The following ANKS1B variants were observed in gnomAD, a reference collection of about 807,000 sequenced individuals.
ANKS1B encodes the protein ankyrin repeat and sterile alpha motif domain-containing protein 1B.
Under a neutral mutation model 148.3 loss-of-function variants are expected in ANKS1B, and 36 were observed. The observed-to-expected ratio is 0.24, with a 90% CI of 0.19 to 0.32. The LOEUF (loss-of-function observed/expected upper bound fraction) is 0.32, where lower values mean the gene tolerates loss of function less well. Ranked by LOEUF, ANKS1B falls within the 10% of genes least tolerant of loss-of-function variation. The pLI, the probability that ANKS1B is intolerant of heterozygous loss-of-function variation, is 1.00. For missense variants in ANKS1B, 1,157 were observed against 1,542.6 expected (o/e 0.75, Z 4.19); for synonymous variants, 542 against 560.8 (o/e 0.97, Z 0.47).
chr12:99,744,240 T>G (rs2060381240), intron 8 of ANKS1B, among the ~76,000 whole-genome samples: 1 of 152,230 alleles, frequency 6.6e-6, no homozygotes, highest in Admixed American at 6.5e-5. Flanking sequence ...TTCATACTAA[T>G]AGATTAATTT....
At chr12:99,970,543 C>T (rs566724967) in intron 1 of ANKS1B, among the ~76,000 whole-genome samples, 1 of 115,472 alleles carries the variant, frequency 8.7e-6, no homozygotes, top group Admixed American at 8.6e-5. Context: ...AAAAAAAAAA[C>T]ACATTGGATC....
At chr12:98,763,997 A>T (rs181119998) in intron 25 of ANKS1B, among the ~76,000 whole-genome samples, 5 of 152,292 alleles carry the variant, frequency 3.3e-5, no homozygotes, top group Admixed American at 6.5e-5. Flanking sequence ...AGCCCAACAC[A>T]CTGGTCACCT....
At chr12:99,777,831 A>G (rs1406218447) in intron 6 of ANKS1B, among the ~76,000 whole-genome samples, 4 of 149,606 alleles carry the variant, frequency 2.7e-5, no homozygotes, top group East Asian at 2.1e-4. Flanking sequence ...TGATCCACCC[A>G]CCTCAGCCTC....
At chr12:99,955,753 CA>C (rs1244046356) in intron 1 of ANKS1B, among the ~76,000 whole-genome samples, 1 of 151,834 alleles carries the variant, frequency 6.6e-6, no homozygotes, top group African/African-American at 2.4e-5. Context: ...ATTCAGTTAC[CA>C]AAATATTTAT....
chr12:99,902,087 C>T lies in ANKS1B; in HGVS notation c.135-76698G>A, dbSNP rs115429160. On this transcript the variant is annotated intron_variant, in intron 1 of 26. Transcript: ENST00000683438. ...CAACAAGAGAGGTGCAGATTATAAGCGCCATAAAAGAAATAAATAATGGGA... is the reference window on the plus strand; with the variant it reads ...CAACAAGAGAGGTGCAGATTATAAGTGCCATAAAAGAAATAAATAATGGGA... Among the ~76,000 whole-genome samples the T allele has an allele frequency of 9.5e-3, 1,441 of 152,064 alleles. 25 individuals are homozygous for T. Among genetic ancestry groups the T allele is most frequent in the African/African-American group, 0.032 (1,340 of 41,464 alleles).
intron 1 of ANKS1B, among the ~76,000 whole-genome samples, chr12:99,970,285 T>C (rs1222236772): frequency 6.6e-6 from 1 of 152,090 alleles, no homozygotes; most frequent in Non-Finnish European, 1.5e-5. Context: ...ATGCAGTAGA[T>C]GGAATACGAT....
chr12:99,692,541 C>A (rs1373939699), intron 8 of ANKS1B, among the ~76,000 whole-genome samples: 2 of 151,744 alleles, frequency 1.3e-5, no homozygotes, highest in Non-Finnish European at 2.9e-5. Flanking sequence ...CATGGTGGTG[C>A]ATGCCTGTGG....
chr12:99,561,037 G>A (rs2097331218), intron 9 of ANKS1B, among the ~76,000 whole-genome samples: 1 of 151,586 alleles, frequency 6.6e-6, no homozygotes, highest in South Asian at 2.1e-4. Flanking sequence ...TAGTAGAGAC[G>A]GGTTTTCACC....
Position 99,443,827 on chromosome 12 carries a change from A to C in ANKS1B, c.1439-18T>G. The C allele has an allele frequency of 6.3e-7, 1 of 1,599,782 alleles. No individual in the cohort carries two copies. The highest frequency in any genetic ancestry group is 8.5e-7 in the Non-Finnish European group (1 of 1,172,510). On this transcript the variant is annotated intron_variant, in intron 10 of 26. Transcript: ENST00000683438. ...GGCATTATCTGTGAATAAAAATAGA[A>C]CTGCCATGAACCTAATCACTCAGTT...
chr12:99,228,913 T>C (rs1219594908), intron 14 of ANKS1B, among the ~76,000 whole-genome samples: 1 of 151,962 alleles, frequency 6.6e-6, no homozygotes, highest in Middle Eastern at 3.2e-3. Context: ...TATGAATGTA[T>C]ATATATGTAC....
intron 21 of ANKS1B, among the ~76,000 whole-genome samples, chr12:98,799,657 A>C (rs1158735422): frequency 6.6e-6 from 1 of 152,122 alleles, no homozygotes; most frequent in East Asian, 1.9e-4. Context: ...AGAATTGCCA[A>C]CTACTTTGTT....
In ANKS1B at chr12:98,883,724, G is replaced by A. The variant is rs150327860; in HGVS notation, c.2779-51588C>T. On this transcript the variant is annotated intron_variant, in intron 17 of 26. Coordinates refer to ENST00000683438, the MANE Select transcript of ANKS1B (RefSeq NM_001352186.2). Reference sequence around the variant, plus strand: ...ACAAATTAGGAGCCGAAAGCCCAGAGAGATTGAGTAGTTGGAAGTTGTGCA... The same window carrying A: ...ACAAATTAGGAGCCGAAAGCCCAGAAAGATTGAGTAGTTGGAAGTTGTGCA... Among the ~76,000 whole-genome samples the A allele has an allele frequency of 3.3e-5, 5 of 152,310 alleles. No homozygotes were observed. In the East Asian group the frequency reaches 7.7e-4, roughly 23 times the overall value.
intron 5 of ANKS1B, 138 bp downstream of exon 5, chr12:99,781,884 A>T: frequency 1.5e-6 from 1 of 682,778 alleles, no homozygotes; most frequent in Non-Finnish European, 2.4e-6. Flanking sequence ...GTTCTACATA[A>T]TATGAATACA....
chr12:99,865,707 T>C (rs1262012813), intron 1 of ANKS1B, among the ~76,000 whole-genome samples: 2 of 152,214 alleles, frequency 1.3e-5, no homozygotes, highest in Non-Finnish European at 2.9e-5. Flanking sequence ...AGGCTGAAAC[T>C]AGCTTAGAAG....
intron 7 of ANKS1B, 140 bp from the exon 8 acceptor site, chr12:99,773,228 A>G: frequency 1.6e-6 from 1 of 619,002 alleles, no homozygotes; most frequent in Non-Finnish European, 2.7e-6. Flanking sequence ...TGCTGAAAAC[A>G]AGGTACTCAA....
chr12:99,856,583 A>G (rs1404442676), intron 1 of ANKS1B, among the ~76,000 whole-genome samples: 1 of 152,156 alleles, frequency 6.6e-6, no homozygotes, highest in Non-Finnish European at 1.5e-5. Context: ...GTAACAAAAA[A>G]AGAAAACTAC....
chr12:99,305,993 G>A (rs977343692), intron 12 of ANKS1B, among the ~76,000 whole-genome samples: 1 of 152,024 alleles, frequency 6.6e-6, no homozygotes, highest in African/African-American at 2.4e-5. Flanking sequence ...ACTACACTTT[G>A]GGGGATGCTT....
intron 22 of ANKS1B, among the ~76,000 whole-genome samples, chr12:98,795,471 T>G (rs2098939338): frequency 6.6e-6 from 1 of 152,242 alleles, no homozygotes; most frequent in African/African-American, 2.4e-5. Flanking sequence ...CTCTGGAGAA[T>G]ACTCAGTTCT....
chr12:99,200,739 T>C (rs1601628514), intron 14 of ANKS1B, among the ~76,000 whole-genome samples: 1 of 152,172 alleles, frequency 6.6e-6, no homozygotes, highest in African/African-American at 2.4e-5. Flanking sequence ...CCAATTTTAC[T>C]ATAAGACAAT....
Sources: gnomAD v4.1 joint callset for allele counts (sites outside exome capture counted in the v4.1 genomes callset) on GRCh38, gnomAD v4.1.1 for gene constraint, MANE v1.5 for transcripts, NCBI Gene and HGNC (gene_info 2026-07-23, HGNC 2026-07-21) for gene names.